The following MYH15 variants were observed in gnomAD, a reference collection of about 807,000 sequenced individuals.
MYH15 encodes the protein myosin heavy chain 15.
Under a neutral mutation model 240.5 loss-of-function variants are expected in MYH15, and 227 were observed. The observed-to-expected ratio is 0.94, with a 90% CI of 0.85 to 1.05. The LOEUF (loss-of-function observed/expected upper bound fraction) is 1.05. MYH15 is among the 50% of genes least tolerant of loss of function. The probability of loss-of-function intolerance (pLI) is 0.00; values close to 1 mark genes in which losing one functional copy is unlikely to be tolerated. For missense variants in MYH15, 2,217 were observed against 2,247.5 expected, an observed-to-expected ratio of 0.99 and a Z score of 0.27; for synonymous variants, 785 against 796.7, an observed-to-expected ratio of 0.99 and a Z score of 0.25.
At chr3:108,538,156 G>GA in the MYH15 span, among the ~76,000 whole-genome samples, 1 of 152,282 alleles carries the variant, frequency 6.6e-6, no homozygotes, top group South Asian at 2.1e-4. Flanking sequence ...CTTCCGTTGT[G>GA]TATTGTGTGG....
At chr3:108,391,737 C>T in intron 37 of MYH15, 23 bp downstream of exon 37, 6 of 1,607,246 alleles carry the variant, frequency 3.7e-6, no homozygotes, top group Non-Finnish European at 5.1e-6. Flanking sequence ...CTGTCAAGCC[C>T]TCATGATTAC....
intron 9 of MYH15, among the ~76,000 whole-genome samples, chr3:108,490,132 A>G (rs1313074718): frequency 6.6e-6 from 1 of 152,180 alleles, no homozygotes; most frequent in African/African-American, 2.4e-5. Context: ...GATAGGACTA[A>G]TCAATGGAAG....
intron 27 of MYH15, among the ~76,000 whole-genome samples, chr3:108,425,055 G>C (rs1166511932): frequency 6.6e-6 from 1 of 152,214 alleles, no homozygotes; most frequent in Non-Finnish European, 1.5e-5. Context: ...TAAAAGACTA[G>C]ATAATGCATA....
At chr3:108,489,519 C>T (rs564750898) in intron 9 of MYH15, among the ~76,000 whole-genome samples, 13 of 152,122 alleles carry the variant, frequency 8.5e-5, no homozygotes, top group Non-Finnish European at 1.5e-5. Flanking sequence ...ATGCCTGGAA[C>T]AAGGGTCAGA....
At chr3:108,428,008 G>A (rs1195066984) in intron 27 of MYH15, among the ~76,000 whole-genome samples, 1 of 152,182 alleles carries the variant, frequency 6.6e-6, no homozygotes, top group South Asian at 2.1e-4. Flanking sequence ...AAGAACATGT[G>A]ATGAACCTTT....
Position 108,476,531 on chromosome 3 carries a change from A to C in MYH15, c.1115-16T>G. Reference sequence around the variant, plus strand: ...TTGTCAGCATCTGGTCATCAGAAATAGAAGAAAAGGAAGGAGAGAGGAAAA... The same window carrying C: ...TTGTCAGCATCTGGTCATCAGAAATCGAAGAAAAGGAAGGAGAGAGGAAAA... On this transcript the variant is annotated splice_polypyrimidine_tract_variant and intron_variant, in intron 11 of 40. Transcript: ENST00000693548. 3.3e-6 allele frequency: 5 copies of C among 1,507,980 alleles called. No individual in the cohort carries two copies. Among genetic ancestry groups the C allele is most frequent in the Non-Finnish European group, 4.6e-6 (5 of 1,083,706 alleles). 93.4% of individuals were successfully genotyped at this position (1,507,980 alleles called of 1,614,324 possible).
intron 7 of MYH15, among the ~76,000 whole-genome samples, chr3:108,494,678 G>A (rs528638723): frequency 1.3e-5 from 2 of 152,124 alleles, no homozygotes; most frequent in South Asian, 4.2e-4. Context: ...ATTTTTAGTA[G>A]AAACAAAGTC....
rs142890277 is a variant in MYH15, at chr3:108,392,902, C to T, written c.5260-972G>A. On this transcript the variant is annotated intron_variant, in intron 36 of 40. Transcript: ENST00000693548. ...CATATTTGTTCCCTTGGCCATCAAA[C>T]ATCTTCAAGATTTCACACACCTCGT... Among the ~76,000 whole-genome samples, 1,074 of 152,328 alleles carry T rather than the reference C, an allele frequency of 7.1e-3. 9 individuals are homozygous for T. Among genetic ancestry groups the T allele is most frequent in the South Asian group, 0.019 (94 of 4,824 alleles).
rs115764862 is a variant in MYH15 at position 108,463,052 on chromosome 3, T to G, written c.1864+59A>C. The G allele has an allele frequency of 9.4e-3, 14,453 of 1,545,070 alleles. 1,097 individuals carry two copies. The African/African-American group carries it at 0.17, about 18-fold the overall frequency. Reference sequence around the variant, plus strand: ...AAGAAGCAAGAATTTTTGCAAAAGCTGAGGCAGCCATGGGTTCCATTCTGA... The same window carrying G: ...AAGAAGCAAGAATTTTTGCAAAAGCGGAGGCAGCCATGGGTTCCATTCTGA... On this transcript the variant is annotated intron_variant, in intron 16 of 40. Transcript: ENST00000693548.
intron 22 of MYH15, among the ~76,000 whole-genome samples, chr3:108,441,767 T>A (rs546580440): frequency 1.2e-3 from 176 of 152,370 alleles, no homozygotes; most frequent in African/African-American, 3.9e-3. Context: ...TTTTTTAAAT[T>A]CATAGGCTAA....
At chr3:108,523,848 A>AT (rs2083643324) in intron 1 of MYH15, among the ~76,000 whole-genome samples, 1 of 151,962 alleles carries the variant, frequency 6.6e-6, no homozygotes. Flanking sequence ...TTCTCACTCA[A>AT]TAATACCTCA....
chr3:108,427,193 G>A (rs973726800), intron 27 of MYH15, among the ~76,000 whole-genome samples: 1 of 152,222 alleles, frequency 6.6e-6, no homozygotes, highest in Non-Finnish European at 1.5e-5. Context: ...GGAACCTATT[G>A]AGGTAGAATG....
intron 11 of MYH15, among the ~76,000 whole-genome samples, chr3:108,480,577 A>G (rs1266051376): frequency 2.2e-4 from 34 of 152,208 alleles, no homozygotes. Flanking sequence ...TTTAAAGTAC[A>G]GAGTGAACCC....
chr3:108,495,851 T>C lies in MYH15; in HGVS notation c.640A>G (p.Met214Val), dbSNP rs2083385666. Residue 214 changes from methionine to valine, a missense_variant, in exon 7 of 41, where the codon ATG (methionine) becomes GTG (valine). Physicochemically the swap from Met to Val is conservative, Grantham distance 21. Transcript: ENST00000693548. Reference protein sequence around the residue: ...KKQGALEDQIMQANTILEAFG... With the variant: ...KKQGALEDQIVQANTILEAFG... ...GCTTCCAAGATAGTATTCGCTTGCA[T>C]GATTTGATCTTCTAACGCCCCCTGA... 1 of 1,611,398 alleles carries C rather than the reference T, an allele frequency of 6.2e-7. No individual in the cohort carries two copies. The highest frequency in any genetic ancestry group is 1.1e-5 in the South Asian group (1 of 90,352).
chr3:108,447,580 GA>G (rs199837149), intron 21 of MYH15, among the ~76,000 whole-genome samples: 26 of 143,194 alleles, frequency 1.8e-4, no homozygotes, highest in African/African-American at 3.3e-4. Flanking sequence ...AGTGCTAAAA[GA>G]AAAAAAAAAA....
intron 21 of MYH15, among the ~76,000 whole-genome samples, chr3:108,450,332 G>A (rs2082962046): frequency 1.3e-5 from 2 of 152,222 alleles, no homozygotes; most frequent in Non-Finnish European, 2.9e-5. Flanking sequence ...TAAAGAAAAT[G>A]TGTCATAAAT....
chr3:108,492,201 T>TATACACACAC (rs2083353634), intron 9 of MYH15, among the ~76,000 whole-genome samples: 1 of 147,926 alleles, frequency 6.8e-6, no homozygotes, highest in Non-Finnish European at 1.5e-5. Flanking sequence ...AATGCTTTTA[T>TATACACACAC]ACACACACAC....
intron 1 of MYH15, among the ~76,000 whole-genome samples, chr3:108,516,136 A>G (rs1041334213): frequency 1.3e-5 from 2 of 152,060 alleles, no homozygotes; most frequent in Non-Finnish European, 2.9e-5. Context: ...AAAGAGTTAA[A>G]CTCTTTTCAT....
intron 37 of MYH15, among the ~76,000 whole-genome samples, chr3:108,390,935 A>G (rs1362192535): frequency 6.6e-6 from 1 of 152,200 alleles, no homozygotes; most frequent in East Asian, 1.9e-4. Context: ...TTTCTGATTT[A>G]TCCTGTTACC....
Sources: allele counts gnomAD v4.1 joint callset (sites outside exome capture counted in the v4.1 genomes callset), GRCh38; gene constraint gnomAD v4.1.1; transcripts MANE v1.5; gene names NCBI Gene and HGNC (gene_info 2026-07-23, HGNC 2026-07-21).